Variants in MYH7B observed in about 807,000 individuals in gnomAD.
The protein encoded by MYH7B is myosin heavy chain 7B.
In MYH7B, 205 loss-of-function variants were observed where a neutral mutation model predicts 234.5. The observed-to-expected ratio is 0.87, with a 90% CI of 0.78 to 0.98. The LOEUF (loss-of-function observed/expected upper bound fraction) is 0.98, where lower values mean the gene tolerates loss of function less well. Among genes scored for constraint, MYH7B ranks in the 50% least tolerant of loss-of-function variants. The pLI is 0.00. For missense variants in MYH7B, 2,652 were observed against 2,633.4 expected (o/e 1.01, Z -0.15); for synonymous variants, 1,193 against 1,105.0 (o/e 1.08, Z -1.58).
intron 27 of MYH7B, 109 bp from the exon 28 acceptor site, chr20:34,995,227 A>G: frequency 1.1e-6 from 1 of 887,420 alleles, no homozygotes; most frequent in Non-Finnish European, 1.6e-6. Context: ...CTCAGAGCAC[A>G]GCCAAACTTT....
intron 4 of MYH7B, 22 bp from the exon 5 acceptor site, chr20:34,977,912 C>T: frequency 6.2e-7 from 1 of 1,612,698 alleles, no homozygotes. Context: ...AGTTCAGCTC[C>T]CTTGTCACTG....
At chr20:34,956,483 C>G (rs569911353) in intron 1 of MYH7B, among the ~76,000 whole-genome samples, 1 of 152,130 alleles carries the variant, frequency 6.6e-6, no homozygotes, top group Non-Finnish European at 1.5e-5. Flanking sequence ...CCTGTTTCTT[C>G]CTTCTGGGTT....
intron 28 of MYH7B, 134 bp downstream of exon 28, chr20:34,995,712 C>A: frequency 7.2e-7 from 1 of 1,379,670 alleles, no homozygotes; most frequent in Non-Finnish European, 9.6e-7. Context: ...CTTTCCTGGG[C>A]CTCAGTTTCT....
chr20:35,001,341 G>A lies in MYH7B; in HGVS notation c.5572G>A (p.Ala1858Thr), dbSNP rs757263483. Residue 1858 changes from alanine (A) to threonine (T), a missense_variant, in exon 42 of 45, where the codon GCA becomes ACA. By Grantham distance (58) the Ala-to-Thr change is moderately conservative. Coordinates refer to ENST00000262873, the Ensembl canonical transcript of MYH7B. ...GCATGAGCGCCGTGTCAAGGAGCTC[G>A]CATACCAGGTGGGCGACAGGGTCTC... 7.5e-6 allele frequency: 12 copies of A among 1,608,272 alleles called. No individual in the cohort carries two copies. The highest frequency in any genetic ancestry group is 6.7e-5 in the East Asian group (3 of 44,656).
intron 2 of MYH7B, among the ~76,000 whole-genome samples, chr20:34,962,766 T>A (rs2081709558): frequency 6.6e-6 from 1 of 152,300 alleles, no homozygotes; most frequent in African/African-American, 2.4e-5. Flanking sequence ...TAGCTGAGAC[T>A]ACAAGCGAGA....
exon 37 of MYH7B, chr20:34,999,681 C>G (rs1487340559): frequency 6.2e-7 from 1 of 1,613,188 alleles, no homozygotes; most frequent in Non-Finnish European, 8.5e-7. Flanking sequence ...CCAGGCTGCA[C>G]TGGAGGAGGC....
exon 23 of MYH7B, chr20:34,990,781 C>A: frequency 6.2e-7 from 1 of 1,614,184 alleles, no homozygotes; most frequent in Non-Finnish European, 8.5e-7. Flanking sequence ...GCCACACAGC[C>A]CCACTTCGTC....
chr20:34,984,814 G>T (rs764686758), intron 11 of MYH7B, 40 bp from the exon 12 acceptor site: 29 of 1,600,006 alleles, frequency 1.8e-5, no homozygotes. Flanking sequence ...CGGTGGGTAG[G>T]CACCAGAACT....
chr20:34,990,991 C>T lies in MYH7B; in HGVS notation c.2066-13C>T. ...GCCTGTTGACCTCTGACCTTTTCCC[C>T]TCTCACGTCCAGGGGTCATGGATGC... On this transcript the variant is annotated splice_polypyrimidine_tract_variant and intron_variant, in intron 23 of 44. Coordinates refer to ENST00000262873, the Ensembl canonical transcript of MYH7B. The T allele has an allele frequency of 1.2e-6, 2 of 1,605,252 alleles. No homozygotes were observed. The highest frequency in any genetic ancestry group is 1.7e-6 in the Non-Finnish European group (2 of 1,174,008).
chr20:34,986,213 G>A lies in MYH7B; in HGVS notation c.904+15G>A, dbSNP rs761417341. On this transcript the variant is annotated intron_variant, in intron 14 of 44. Coordinates refer to ENST00000262873, the Ensembl canonical transcript of MYH7B. The stretch of plus-strand genomic sequence containing the variant: ...AGAGCTGCAGGGTGAGGGGCAGTAC[G>A]ATGAAGGGGGTGGGAGTCAGAACCT... 1.3e-6 allele frequency: 2 copies of A among 1,571,506 alleles called. No homozygotes were observed. Among genetic ancestry groups the A allele is most frequent in the Middle Eastern group, 1.7e-4 (1 of 6,000 alleles).
At chr20:34,998,021 T>C (rs2082296547) in intron 32 of MYH7B, among the ~76,000 whole-genome samples, 1 of 152,152 alleles carries the variant, frequency 6.6e-6, no homozygotes. Context: ...ACAGCTGACC[T>C]CTGACCATTG....
At chr20:34,984,925 G>A in exon 12 of MYH7B, 1 of 1,613,986 alleles carries the variant, frequency 6.2e-7, no homozygotes, top group Non-Finnish European at 8.5e-7. Flanking sequence ...AGACCCTGAG[G>A]AATGATAACT....
chr20:34,981,040 C>CA lies in MYH7B; in HGVS notation c.509dup (p.Asn170LysfsTer14), dbSNP rs1484491999. On this transcript the variant is annotated frameshift_variant, in exon 9 of 45. Coordinates refer to ENST00000262873, the Ensembl canonical transcript of MYH7B. LOFTEE classifies it high-confidence loss of function. Reference sequence around the variant, plus strand: ...CCCTTCCCTTTCCTCCAGACCGAGACAACCAGTCCATGCTGATCACGTGAG... The same window carrying CA: ...CCCTTCCCTTTCCTCCAGACCGAGACAAACCAGTCCATGCTGATCACGTGAG... The CA allele has an allele frequency of 1.2e-6, 2 of 1,614,088 alleles. No individual in the cohort carries two copies. The highest frequency in any genetic ancestry group is 1.7e-6 in the Non-Finnish European group (2 of 1,179,978).
Position 34,982,455 on chromosome 20 carries a change from C to G in MYH7B, c.528-4C>G, listed in dbSNP as rs571316042. On this transcript the variant is annotated splice_polypyrimidine_tract_variant and splice_region_variant and intron_variant, in intron 9 of 44. Coordinates refer to ENST00000262873, the Ensembl canonical transcript of MYH7B. Reference sequence around the variant, plus strand: ...ATTGGTGACTCATGTTTGTGTCGTCCAAGCGGAGAGTCGGGGGCCGGTAAG... The same window carrying G: ...ATTGGTGACTCATGTTTGTGTCGTCGAAGCGGAGAGTCGGGGGCCGGTAAG... 157 of 1,613,818 alleles carry G rather than the reference C, an allele frequency of 9.7e-5. No homozygotes were observed. In the South Asian group the frequency reaches 1.5e-3, roughly 16 times the overall value.
exon 31 of MYH7B, chr20:34,997,113 G>A: frequency 6.5e-7 from 1 of 1,549,112 alleles, no homozygotes; most frequent in Non-Finnish European, 8.7e-7. Flanking sequence ...AGCTGAGCCT[G>A]CGGGTGGAAG....
chr20:34,999,798 T>C (rs1232935022), exon 38 of MYH7B: 1 of 1,205,590 alleles, frequency 8.3e-7, no homozygotes, highest in African/African-American at 1.8e-5. Flanking sequence ...CAGGGGGCCC[T>C]GGAGCTGGAG....
At chr20:34,990,415 T>A in intron 22 of MYH7B, 105 bp downstream of exon 22, 1 of 1,219,372 alleles carries the variant, frequency 8.2e-7, no homozygotes, top group South Asian at 1.2e-5. Context: ...CTGTTAAGAC[T>A]TGCAGTGATG....
At chr20:35,002,360 G>T in exon 45 of MYH7B, 1 of 691,858 alleles carries the variant, frequency 1.4e-6, no homozygotes, top group South Asian at 3.1e-5. Flanking sequence ...TGGGGTTCAG[G>T]AGGAAAAACA....
exon 5 of MYH7B, chr20:34,977,968 G>A: frequency 6.2e-7 from 1 of 1,614,004 alleles, no homozygotes; most frequent in Non-Finnish European, 8.5e-7. Flanking sequence ...AACCTCCAGG[G>A]TTTCCAGCTC....
Sources: gnomAD v4.1 joint callset for allele counts (sites outside exome capture counted in the v4.1 genomes callset) on GRCh38, gnomAD v4.1.1 for gene constraint, MANE v1.5 for transcripts, NCBI Gene and HGNC (gene_info 2026-07-23, HGNC 2026-07-21) for gene names.